Variants in PPP1R7 observed in about 807,000 individuals in gnomAD.
PPP1R7 encodes the protein protein phosphatase 1 regulatory subunit 7.
PPP1R7 carries 18 observed loss-of-function variants against 45.2 expected under a neutral mutation model. The ratio of observed to expected loss-of-function variants is 0.40; its 90% CI spans 0.28 to 0.59. The LOEUF (loss-of-function observed/expected upper bound fraction) is 0.59. Ranked by LOEUF, PPP1R7 falls within the 20% of genes least tolerant of loss-of-function variation. The pLI is 0.46. For synonymous variants in PPP1R7, 181 were observed against 183.4 expected (o/e 0.99, Z 0.11); for missense variants, 314 against 455.8 (o/e 0.69, Z 2.83).
At chr2:241,159,178 T>G in intron 4 of PPP1R7, 35 bp from the exon 5 acceptor site, 1 of 1,608,742 alleles carries the variant, frequency 6.2e-7, no homozygotes, top group Non-Finnish European at 8.5e-7. Context: ...GCCTCCCCCT[T>G]GCCTGTGTCA....
At chr2:241,182,388 G>C (rs968602760) in intron 9 of PPP1R7, among the ~76,000 whole-genome samples, 4 of 152,288 alleles carry the variant, frequency 2.6e-5, no homozygotes, top group Admixed American at 6.5e-5. Context: ...TCCTTCCTCT[G>C]CTGACCTGAA....
chr2:241,166,418 G>T lies in PPP1R7; in HGVS notation c.796G>T (p.Val266Phe). ...GTACCTTAGCCACAATGGCATCGAG[G>T]TCATCGAGGGCCTGGAGAACAATGT... ...ELYLSHNGIEVIEGLENNNKL... is the reference protein window; with the variant it reads ...ELYLSHNGIEFIEGLENNNKL... The change falls in exon 8 of 10, where the codon GTC becomes TTC. Residue 266 changes from valine to phenylalanine, a missense_variant. Val to Phe is a conservative substitution (Grantham distance 50). Around this residue, in one of 3 missense-constraint regions of PPP1R7, gnomAD observed 168 missense variants for 285.3 expected, o/e 0.59. Coordinates refer to ENST00000234038, the MANE Select transcript of PPP1R7 (RefSeq NM_002712.3). 1 of 1,613,866 alleles carries T rather than the reference G, an allele frequency of 6.2e-7. No individual in the cohort carries two copies. The highest frequency in any genetic ancestry group is 8.5e-7 in the Non-Finnish European group (1 of 1,179,844).
At chr2:241,179,131 G>C (rs892537069) in intron 9 of PPP1R7, among the ~76,000 whole-genome samples, 1 of 152,110 alleles carries the variant, frequency 6.6e-6, no homozygotes, top group Non-Finnish European at 1.5e-5. Context: ...AGTCTGCCAG[G>C]AAAACGTCAG....
In PPP1R7 at chr2:241,183,186, G is replaced by A. The variant is rs2068038386; in HGVS notation, c.*363G>A. On this transcript the variant is annotated 3_prime_UTR_variant, in exon 10 of 10. Transcript: ENST00000234038. ...CTGAGAGTGCTTTACAGGCATTCAC[G>A]TGCTGTCCGAGTGGCATTCGGGGGC... is the stretch of plus-strand genomic sequence containing the variant. The A allele has an allele frequency of 1.0e-5, 4 of 387,062 alleles. No homozygotes were observed. The highest frequency in any genetic ancestry group is 6.6e-5 in the East Asian group (1 of 15,164). 24.0% of individuals were successfully genotyped at this position (387,062 alleles called of 1,614,324 possible).
At chr2:241,158,985 T>G (rs2067522626) in intron 4 of PPP1R7, 2 of 533,566 alleles carry the variant, frequency 3.7e-6, no homozygotes, top group East Asian at 6.8e-5. Flanking sequence ...GGAGCCTGCC[T>G]CCTGCCTCCC....
At chr2:241,170,881 G>A (rs755461821) in intron 9 of PPP1R7, among the ~76,000 whole-genome samples, 15 of 152,206 alleles carry the variant, frequency 9.9e-5, no homozygotes, top group Non-Finnish European at 2.9e-5. Context: ...TACCAGGCCA[G>A]GGGGAGCCTC....
At position 241,160,325 on chromosome 2, in the gene PPP1R7, T is replaced by C; in HGVS notation, c.435-7T>C. The C allele has an allele frequency of 6.3e-7, 1 of 1,584,412 alleles. No individual in the cohort carries two copies. The highest frequency in any genetic ancestry group is 8.5e-7 in the Non-Finnish European group (1 of 1,171,288). ...TTTTTTTAAAAAACTGTTTTGGTTG[T>C]TCTCAGGATTCTAGATATTTCTTTT... On this transcript the variant is annotated splice_region_variant and splice_polypyrimidine_tract_variant and intron_variant, in intron 5 of 9. Transcript: ENST00000234038.
intron 8 of PPP1R7, among the ~76,000 whole-genome samples, chr2:241,168,752 T>C (rs146938509): frequency 1.8e-3 from 278 of 152,250 alleles, no homozygotes; most frequent in African/African-American, 6.2e-3. Flanking sequence ...GCAAGGGTGG[T>C]ACAGCCAGAG....
intron 9 of PPP1R7, among the ~76,000 whole-genome samples, chr2:241,181,600 G>A (rs138790962): frequency 6.6e-6 from 1 of 152,228 alleles, no homozygotes; most frequent in Non-Finnish European, 1.5e-5. Flanking sequence ...AGTCCATGCA[G>A]GGACCCCCCA....
intron 5 of PPP1R7, 53 bp from the exon 6 acceptor site, chr2:241,160,279 A>AT (rs909814467): frequency 1.4e-6 from 2 of 1,473,874 alleles, no homozygotes; most frequent in African/African-American, 2.8e-5. Context: ...TGTGAGTTCT[A>AT]TGCAACCTAT....
rs1283155260 is a variant in PPP1R7, at chr2:241,183,090, G to A, written c.*267G>A. 6 of 491,402 alleles carry A rather than the reference G, an allele frequency of 1.2e-5. No individual in the cohort carries two copies. The highest frequency in any genetic ancestry group is 3.7e-5 in the East Asian group (1 of 26,912). The allele number at this position is 491,402 out of a possible 1,614,324, so 30.4% of individuals were successfully genotyped here. A position where few individuals can be genotyped will look rare whatever the true frequency, so the allele number is the denominator to read the frequency against. On this transcript the variant is annotated 3_prime_UTR_variant, in exon 10 of 10. Transcript: ENST00000234038. ...AACATAAGACACGTTGCGTTCATTC[G>A]CTAGAAATCCCTGTTTCCTTCTCTC... is the stretch of plus-strand genomic sequence containing the variant.
At chr2:241,170,891 C>CA (rs1442883454) in intron 9 of PPP1R7, among the ~76,000 whole-genome samples, 1 of 152,106 alleles carries the variant, frequency 6.6e-6, no homozygotes, top group East Asian at 1.9e-4. Flanking sequence ...GGGGGAGCCT[C>CA]AATGAGTCCA....
At chr2:241,179,097 A>G (rs991799065) in intron 9 of PPP1R7, among the ~76,000 whole-genome samples, 1 of 152,192 alleles carries the variant, frequency 6.6e-6, no homozygotes, top group Admixed American at 6.5e-5. Flanking sequence ...ACAAAATGCA[A>G]GTTTGGGTTC....
chr2:241,173,716 G>A (rs1174759380), intron 9 of PPP1R7, among the ~76,000 whole-genome samples: 1 of 152,206 alleles, frequency 6.6e-6, no homozygotes, highest in East Asian at 1.9e-4. Flanking sequence ...GCACTAGCGA[G>A]GCCCCTGAGG....
intron 9 of PPP1R7, among the ~76,000 whole-genome samples, chr2:241,181,548 G>A (rs543839134): frequency 3.3e-4 from 50 of 152,120 alleles, no homozygotes; most frequent in African/African-American, 1.2e-3. Context: ...TGCCAGACAG[G>A]GCCCCAGAGA....
intron 8 of PPP1R7, among the ~76,000 whole-genome samples, chr2:241,167,476 C>T (rs903188667): frequency 6.7e-6 from 1 of 149,582 alleles, no homozygotes; most frequent in East Asian, 2.0e-4. Flanking sequence ...AGTGGAATGG[C>T]GCTGAGGACT....
intron 2 of PPP1R7, among the ~76,000 whole-genome samples, chr2:241,154,179 CAAAAAAA>C (rs1167747738): frequency 2.2e-3 from 112 of 50,478 alleles, no homozygotes; most frequent in South Asian, 0.01. Flanking sequence ...TACTCCTTCT[CAAAAAAA>C]AAAAAAAAAA....
At chr2:241,164,688 C>A (rs894974532) in intron 7 of PPP1R7, among the ~76,000 whole-genome samples, 1 of 152,088 alleles carries the variant, frequency 6.6e-6, no homozygotes, top group Non-Finnish European at 1.5e-5. Context: ...CGCTTGAGCC[C>A]AGGAGTTCAA....
chr2:241,169,920 T>C, intron 9 of PPP1R7, 53 bp downstream of exon 9: 1 of 1,350,562 alleles, frequency 7.4e-7, no homozygotes, highest in Admixed American at 1.7e-5. Context: ...CTGGTCTCAC[T>C]GATTAAAATG....
Sources: gnomAD v4.1 joint callset for allele counts (sites outside exome capture counted in the v4.1 genomes callset) on GRCh38, gnomAD v4.1.1 for gene constraint, gnomAD v4.1.1 regional missense constraint, MANE v1.5 for transcripts, NCBI Gene and HGNC (gene_info 2026-07-23, HGNC 2026-07-21) for gene names.